The following PFKFB1 variants were observed in gnomAD, a reference collection of about 807,000 sequenced individuals.
The protein encoded by PFKFB1 is 6-phosphofructo-2-kinase/fructose-2,6-biphosphatase 1.
Under a neutral mutation model 46.4 loss-of-function variants are expected in PFKFB1, and 34 were observed. That is an observed-to-expected ratio of 0.73 (90% CI 0.56 to 0.98). The LOEUF is 0.98. PFKFB1 is among the 50% of genes least tolerant of loss of function. The pLI is 0.00. For missense variants in PFKFB1, 393 were observed against 376.3 expected (o/e 1.04, Z -0.37); for synonymous variants, 119 against 133.8 (o/e 0.89, Z 0.76).
At chrX:54,959,572 T>C (rs1934250282) in intron 4 of PFKFB1, among the ~76,000 whole-genome samples, 2 of 112,052 alleles carry the variant, frequency 1.8e-5, no homozygotes, top group East Asian at 2.8e-4. Context: ...GCAACCTGGA[T>C]TCCACTTCTG....
At chrX:54,975,519 A>G (rs1260437374) in intron 1 of PFKFB1, among the ~76,000 whole-genome samples, 1 of 111,190 alleles carries the variant, frequency 9.0e-6, no homozygotes, top group Non-Finnish European at 1.9e-5. Context: ...AAGACTGCAC[A>G]TTGGGGCCAG....
chrX:54,970,005 T>C lies in PFKFB1; in HGVS notation c.98-6623A>G, dbSNP rs1254671130. 2.7e-4 allele frequency among the ~76,000 whole-genome samples: 30 copies of C among 111,452 alleles called. No homozygotes were observed. In the Admixed American group the frequency reaches 2.9e-3, roughly 11 times the overall value. On this transcript the variant is annotated intron_variant, in intron 1 of 13. Transcript: ENST00000375006. ...CTCACTGCAACCTCTGCTTCCGAGG[T>C]TCAAGGGCTTCTTATGACTCAGCCT...
intron 1 of PFKFB1, among the ~76,000 whole-genome samples, chrX:54,990,940 G>A (rs1437456510): frequency 1.8e-5 from 2 of 111,900 alleles, no homozygotes; most frequent in Non-Finnish European, 3.8e-5. Flanking sequence ...AAACAGGAAC[G>A]TCTTTAACCT....
At chrX:54,987,779 C>G (rs1234771262) in intron 1 of PFKFB1, among the ~76,000 whole-genome samples, 2 of 110,439 alleles carry the variant, frequency 1.8e-5, no homozygotes, top group Non-Finnish European at 3.8e-5. Context: ...AAATTAAATA[C>G]CCCTTCATGA....
At chrX:54,953,923 A>G (rs761160687) in intron 7 of PFKFB1, among the ~76,000 whole-genome samples, 2 of 112,019 alleles carry the variant, frequency 1.8e-5, no homozygotes, top group Non-Finnish European at 3.8e-5. Context: ...CCCGATTTCC[A>G]AAGTTGAGCT....
At position 54,960,935 on chromosome X, in the gene PFKFB1, C is replaced by T. The variant is rs375201628; in HGVS notation, c.224-18G>A. 19 of 1,097,997 alleles carry T rather than the reference C, an allele frequency of 1.7e-5. No homozygotes were observed. The African/African-American group carries it at 3.5e-4, about 20-fold the overall frequency. The allele number at this position is 1,097,997 out of a possible 1,213,427, so 90.5% of individuals were successfully genotyped here. On this transcript the variant is annotated intron_variant, in intron 2 of 13. Coordinates refer to ENST00000375006, the MANE Select transcript of PFKFB1 (RefSeq NM_002625.4). Reference sequence around the variant, plus strand: ...ATTAAACACTGAAAGCAGGGAGTGCCAGTGAAGAGGTTGGGAAGATCCCAG... The same window carrying T: ...ATTAAACACTGAAAGCAGGGAGTGCTAGTGAAGAGGTTGGGAAGATCCCAG...
chrX:54,997,321 G>A (rs995706183), upstream of PFKFB1, among the ~76,000 whole-genome samples: 3 of 111,586 alleles, frequency 2.7e-5, no homozygotes. Flanking sequence ...AAGGGCCAAT[G>A]AACTCGTGGC....
At chrX:54,949,887 G>A (rs183580927) in intron 8 of PFKFB1, among the ~76,000 whole-genome samples, 27 of 112,596 alleles carry the variant, frequency 2.4e-4, no homozygotes, top group South Asian at 1.5e-3. Context: ...ATTACTTTTT[G>A]ACACTGTGAA....
chrX:54,938,957 G>A (rs945385248), intron 10 of PFKFB1, among the ~76,000 whole-genome samples: 4 of 111,401 alleles, frequency 3.6e-5, no homozygotes, highest in Admixed American at 9.6e-5. Context: ...GCACCACACC[G>A]CACTTATTCC....
At chrX:54,992,901 C>G (rs1331408664) in intron 1 of PFKFB1, among the ~76,000 whole-genome samples, 2 of 111,545 alleles carry the variant, frequency 1.8e-5, no homozygotes, top group Non-Finnish European at 3.8e-5. Flanking sequence ...TCTTTTTTCT[C>G]TCTCTTCCTC....
intron 4 of PFKFB1, 84 bp downstream of exon 4, chrX:54,959,743 T>G (rs1463084406): frequency 1.7e-6 from 1 of 583,989 alleles, no homozygotes; most frequent in Non-Finnish European, 2.9e-6. Context: ...CATAATGTTC[T>G]GTACACATTG....
At chrX:54,995,563 T>G (rs1311435784), upstream of PFKFB1, among the ~76,000 whole-genome samples, 1 of 111,913 alleles carries the variant, frequency 8.9e-6, no homozygotes, top group East Asian at 2.8e-4. Flanking sequence ...ATTTCTTGAG[T>G]GGAATCCTAC....
chrX:54,971,746 T>G (rs1450742077), intron 1 of PFKFB1, among the ~76,000 whole-genome samples: 1 of 111,416 alleles, frequency 9.0e-6, no homozygotes, highest in East Asian at 2.8e-4. Context: ...TGTAGGCTTG[T>G]AGTATAGTTT....
upstream of PFKFB1, among the ~76,000 whole-genome samples, chrX:54,998,691 A>G (rs753121547): frequency 4.5e-4 from 51 of 112,682 alleles, no homozygotes; most frequent in African/African-American, 1.6e-3. Flanking sequence ...CAGAACTAAT[A>G]TTAACAAGCC....
At chrX:54,965,790 G>A (rs192300068) in intron 1 of PFKFB1, among the ~76,000 whole-genome samples, 120 of 111,334 alleles carry the variant, frequency 1.1e-3, no homozygotes, top group African/African-American at 3.6e-3. Flanking sequence ...TGGAAGGAAG[G>A]AATTGGGGAT....
At chrX:54,952,593 C>T (rs1351695794) in intron 7 of PFKFB1, among the ~76,000 whole-genome samples, 5 of 107,272 alleles carry the variant, frequency 4.7e-5, no homozygotes, top group Non-Finnish European at 9.6e-5. Context: ...CTTTTATACT[C>T]TACACACAGC....
At chrX:54,933,961 C>T (rs1358588773) in intron 12 of PFKFB1, 76 bp from the exon 13 acceptor site, 4 of 766,782 alleles carry the variant, frequency 5.2e-6, no homozygotes, top group South Asian at 2.3e-5. Context: ...CACCTCCCCT[C>T]CCCCATCACC....
At chrX:54,946,404 T>C (rs1933812484) in intron 9 of PFKFB1, among the ~76,000 whole-genome samples, 1 of 111,706 alleles carries the variant, frequency 9.0e-6, no homozygotes, top group Non-Finnish European at 1.9e-5. Context: ...CTGCTGGTGG[T>C]GGAAAGTGAT....
chrX:54,985,364 T>C (rs1252211590), intron 1 of PFKFB1, among the ~76,000 whole-genome samples: 1 of 111,524 alleles, frequency 9.0e-6, no homozygotes, highest in Admixed American at 9.5e-5. Context: ...CAGCTAGTAA[T>C]TAGTGGAGCC....
Sources: gnomAD v4.1 joint callset for allele counts (sites outside exome capture counted in the v4.1 genomes callset) on GRCh38, gnomAD v4.1.1 for gene constraint, MANE v1.5 for transcripts, NCBI Gene and HGNC (gene_info 2026-07-23, HGNC 2026-07-21) for gene names.